Variants in MYT1L observed in about 807,000 individuals in gnomAD.
The protein encoded by MYT1L is myelin transcription factor 1-like protein.
MYT1L carries 12 observed loss-of-function variants against 126.7 expected under a neutral mutation model. That is an observed-to-expected ratio of 0.09 (90% CI 0.06 to 0.15). The LOEUF is 0.15. Ranked by LOEUF, MYT1L falls within the 10% of genes least tolerant of loss-of-function variation. MYT1L has a pLI of 1.00. For missense variants in MYT1L, 979 were observed against 1,585.2 expected, an observed-to-expected ratio of 0.62 and a Z score of 6.49; for synonymous variants, 541 against 604.2, an observed-to-expected ratio of 0.90 and a Z score of 1.53.
intron 23 of MYT1L, among the ~76,000 whole-genome samples, chr2:1,796,277 G>A (rs149178717): frequency 2.4e-4 from 37 of 152,328 alleles, no homozygotes; most frequent in African/African-American, 7.5e-4. Context: ...GATGTGTTTA[G>A]AAAACATTTC....
At chr2:2,278,235 A>G (rs2095395552) in intron 2 of MYT1L, among the ~76,000 whole-genome samples, 1 of 152,210 alleles carries the variant, frequency 6.6e-6, no homozygotes, top group Non-Finnish European at 1.5e-5. Context: ...GATCTCCACA[A>G]TGATTCCAAG....
At chr2:2,202,285 A>G (rs2093114319) in intron 2 of MYT1L, among the ~76,000 whole-genome samples, 1 of 152,208 alleles carries the variant, frequency 6.6e-6, no homozygotes, top group Non-Finnish European at 1.5e-5. Flanking sequence ...GCAGGACTGA[A>G]GGAAATAGAG....
In MYT1L at chr2:1,932,726, G is replaced by A. The variant is rs2055185670; in HGVS notation, c.506-9463C>T. On this transcript the variant is annotated intron_variant, in intron 9 of 24. Transcript: ENST00000647738. ...GAGATCTGAAGAGGTGGGAAAGTGA[G>A]CTATGCCAGGGAGAGTGTTCTGGGG... Among the ~76,000 whole-genome samples, 4 of 152,206 alleles carry A rather than the reference G, an allele frequency of 2.6e-5. No individual in the cohort carries two copies. The South Asian group carries it at 6.2e-4, about 24-fold the overall frequency.
intron 2 of MYT1L, among the ~76,000 whole-genome samples, chr2:2,227,619 A>C (rs943270885): frequency 1.3e-5 from 2 of 152,198 alleles, no homozygotes; most frequent in African/African-American, 4.8e-5. Flanking sequence ...ACTATCTGTT[A>C]AGAAGCTCCT....
At chr2:2,216,549 A>T (rs562747093) in intron 2 of MYT1L, among the ~76,000 whole-genome samples, 1 of 152,330 alleles carries the variant, frequency 6.6e-6, no homozygotes, top group Admixed American at 6.5e-5. Context: ...TGCAACATTA[A>T]ATGCGTATAT....
chr2:2,119,455 A>G lies in MYT1L; in HGVS notation c.-304+53417T>C, dbSNP rs571925066. Among the ~76,000 whole-genome samples, 35 of 152,362 alleles carry G rather than the reference A, an allele frequency of 2.3e-4. No homozygotes were observed. In the South Asian group the frequency reaches 7.0e-3, roughly 31 times the overall value. ...AAAATTCAGTTTTTGTGTAATGAAT[A>G]TATTAAAAATTTATCTCAATGCAGA... On this transcript the variant is annotated intron_variant, in intron 3 of 24. Transcript: ENST00000647738.
At chr2:1,853,220 A>G (rs2043498980) in intron 18 of MYT1L, among the ~76,000 whole-genome samples, 1 of 152,200 alleles carries the variant, frequency 6.6e-6, no homozygotes. Flanking sequence ...GTGAAGAAGC[A>G]GTAAAGGGTT....
At chr2:2,190,397 G>A (rs1242008058) in intron 2 of MYT1L, among the ~76,000 whole-genome samples, 1 of 151,262 alleles carries the variant, frequency 6.6e-6, no homozygotes, top group Non-Finnish European at 1.5e-5. Flanking sequence ...CGAGGTTGCA[G>A]GGAGCCGAGA....
Position 1,912,867 on chromosome 2 carries a change from G to A in MYT1L, c.1619-757C>T, listed in dbSNP as rs2052255089. Among the ~76,000 whole-genome samples, 1 of 152,130 alleles carries A rather than the reference G, an allele frequency of 6.6e-6. No individual in the cohort carries two copies. Among genetic ancestry groups the A allele is most frequent in the African/African-American group, 2.4e-5 (1 of 41,430 alleles). On this transcript the variant is annotated intron_variant, in intron 11 of 24. Transcript: ENST00000647738. The surrounding 1 kb of genome is among the most constrained non-coding windows in gnomAD (Gnocchi z 4.3). The stretch of plus-strand genomic sequence containing the variant: ...GTGGTGTTGGACCTGAATTATTTGT[G>A]TCTTCCTTCTTTTCTGGTCCTTCAT...
At chr2:2,217,700 CAACAACAAA>C (rs1232245766) in intron 2 of MYT1L, among the ~76,000 whole-genome samples, 6 of 72,686 alleles carry the variant, frequency 8.3e-5, no homozygotes, top group African/African-American at 2.3e-4. Flanking sequence ...ACAACAACAA[CAACAACAAA>C]AAAAAAAAAA....
intron 2 of MYT1L, among the ~76,000 whole-genome samples, chr2:2,280,700 C>A (rs1034296604): frequency 7.9e-5 from 12 of 152,138 alleles, no homozygotes; most frequent in Non-Finnish European, 5.9e-5. Flanking sequence ...CACGCGCGTG[C>A]AGCATTGCAG....
chr2:1,827,451 C>G (rs529545498), intron 21 of MYT1L: 150 of 152,286 alleles, frequency 9.8e-4, no homozygotes, highest in African/African-American at 3.5e-3. Flanking sequence ...GGTCCTCATT[C>G]CCGCCACCCT....
At chr2:1,819,483 A>G (rs1196236411) in intron 21 of MYT1L, among the ~76,000 whole-genome samples, 1 of 152,210 alleles carries the variant, frequency 6.6e-6, no homozygotes, top group African/African-American at 2.4e-5. Flanking sequence ...GCCCCAGACC[A>G]TACAGTCAGA....
At chr2:2,266,182 A>C (rs2095125541) in intron 2 of MYT1L, among the ~76,000 whole-genome samples, 1 of 152,200 alleles carries the variant, frequency 6.6e-6, no homozygotes, top group South Asian at 2.1e-4. Context: ...GGTGACTCTC[A>C]AGGAAGCGAA....
chr2:2,129,591 C>G (rs191823292), intron 3 of MYT1L, among the ~76,000 whole-genome samples: 1 of 152,118 alleles, frequency 6.6e-6, no homozygotes, highest in African/African-American at 2.4e-5. Flanking sequence ...CCACAAACAC[C>G]AATTGCATAT....
chr2:2,163,288 T>C (rs7570400), intron 3 of MYT1L, among the ~76,000 whole-genome samples: 57,760 of 152,024 alleles, frequency 0.38, 11,514 homozygotes, highest in African/African-American at 0.5. Context: ...GCTAAGATGC[T>C]ATCTCTTACC....
At chr2:2,048,611 C>T (rs2068459833) in intron 4 of MYT1L, among the ~76,000 whole-genome samples, 1 of 152,212 alleles carries the variant, frequency 6.6e-6, no homozygotes, top group Non-Finnish European at 1.5e-5. Context: ...CAAAGAGAAA[C>T]TCATCTCTGG....
chr2:2,072,189 G>A (rs949457049), intron 3 of MYT1L, among the ~76,000 whole-genome samples: 6 of 152,100 alleles, frequency 3.9e-5, no homozygotes, highest in African/African-American at 1.4e-4. Context: ...ATATGTCTTT[G>A]GTGGGCTCTT....
chr2:2,256,535 T>G lies in MYT1L; in HGVS notation c.-421+27869A>C, dbSNP rs1229618906. ...GGTCAAACATATTTACTATCTGCCT[T>G]TTAAGGATAAAGTTTGTCAACTACT... is the stretch of plus-strand genomic sequence containing the variant. On this transcript the variant is annotated intron_variant, in intron 2 of 24. Transcript: ENST00000647738. 2.0e-5 allele frequency among the ~76,000 whole-genome samples: 3 copies of G among 152,332 alleles called. No homozygotes were observed. In the East Asian group the frequency reaches 5.8e-4, roughly 29 times the overall value.
Sources: allele counts gnomAD v4.1 joint callset (sites outside exome capture counted in the v4.1 genomes callset), GRCh38; gene constraint gnomAD v4.1.1; non-coding constraint Gnocchi (gnomAD v3.1); transcripts MANE v1.5; gene names NCBI Gene and HGNC (gene_info 2026-07-23, HGNC 2026-07-21).